The following AFF3 variants were observed in gnomAD, a reference collection of about 807,000 sequenced individuals.
AFF3 encodes the protein ALF transcription elongation factor 3.
In AFF3, 32 loss-of-function variants were observed where a neutral mutation model predicts 129.7. The observed-to-expected ratio is 0.25, with a 90% CI of 0.19 to 0.33. AFF3 has a LOEUF of 0.33. Among genes scored for constraint, AFF3 ranks in the 10% least tolerant of loss-of-function variants. AFF3 has a pLI of 1.00. For synonymous variants in AFF3, 644 were observed against 635.4 expected (o/e 1.01, Z -0.20); for missense variants, 1,373 against 1,592.0 (o/e 0.86, Z 2.34).
chr2:100,019,515 G>A (rs1473583209), intron 4 of AFF3, among the ~76,000 whole-genome samples: 1 of 152,188 alleles, frequency 6.6e-6, no homozygotes, highest in East Asian at 1.9e-4. Context: ...GAAACCAACA[G>A]AATAAGCTCA....
At chr2:100,037,798 AT>A (rs1459805258) in intron 4 of AFF3, among the ~76,000 whole-genome samples, 1 of 136,358 alleles carries the variant, frequency 7.3e-6, no homozygotes, top group East Asian at 2.0e-4. Flanking sequence ...TTATATAAAA[AT>A]ATATAATATA....
intron 7 of AFF3, among the ~76,000 whole-genome samples, chr2:99,852,393 A>C (rs1443622567): frequency 2.0e-5 from 3 of 152,222 alleles, no homozygotes; most frequent in Non-Finnish European, 4.4e-5. Flanking sequence ...GACTATCAGG[A>C]GAACACTCCC....
chr2:99,728,429 C>T (rs567925705), intron 10 of AFF3, among the ~76,000 whole-genome samples: 1 of 152,260 alleles, frequency 6.6e-6, no homozygotes, highest in East Asian at 1.9e-4. Context: ...TGTACCATAC[C>T]CCTTTTGTCA....
At chr2:99,587,075 C>T in intron 16 of AFF3, 79 bp downstream of exon 16, 3 of 1,583,832 alleles carry the variant, frequency 1.9e-6, no homozygotes, top group Non-Finnish European at 2.6e-6. Context: ...AAAAGCCTGA[C>T]CCTCCTCCAA....
At chr2:100,139,409 T>C (rs879310399) in intron 1 of AFF3, among the ~76,000 whole-genome samples, 11 of 152,190 alleles carry the variant, frequency 7.2e-5, no homozygotes, top group Non-Finnish European at 1.3e-4. Context: ...ATTTAAACCA[T>C]GGTAATTTTT....
intron 13 of AFF3, among the ~76,000 whole-genome samples, chr2:99,602,816 C>T (rs1048782354): frequency 4.6e-5 from 7 of 152,138 alleles, no homozygotes; most frequent in African/African-American, 1.7e-4. Context: ...ATCTTTGATA[C>T]GTGCTTTGCC....
intron 7 of AFF3, among the ~76,000 whole-genome samples, chr2:99,989,470 C>G (rs948959275): frequency 6.6e-6 from 1 of 152,214 alleles, no homozygotes; most frequent in Non-Finnish European, 1.5e-5. Context: ...GAACAGAATA[C>G]AGGGCTGAGC....
At chr2:100,112,055 A>C (rs1449741267) in intron 2 of AFF3, among the ~76,000 whole-genome samples, 1 of 152,220 alleles carries the variant, frequency 6.6e-6, no homozygotes, top group East Asian at 1.9e-4. Context: ...GCTCACAGTA[A>C]GCATGCAATT....
chr2:99,821,799 G>A (rs1390461008), intron 8 of AFF3, among the ~76,000 whole-genome samples: 1 of 152,082 alleles, frequency 6.6e-6, no homozygotes, highest in Non-Finnish European at 1.5e-5. Flanking sequence ...ATTGTTATGC[G>A]GCACATGACT....
At position 99,752,228 on chromosome 2, in the gene AFF3, G is replaced by A; in HGVS notation, c.995C>T (p.Pro332Leu). The change falls in exon 9 of 25, where the codon CCA becomes CTA. Residue 332 changes from proline (P) to leucine (L), a missense_variant. Transcript: ENST00000672756. ...GKVEPTKFPF[P>L]NKDSQLVSSG... The stretch of plus-strand genomic sequence containing the variant: ...AGGGATGCAAGATCTCACCTTATTT[G>A]GAAATGGAAATTTGGTTGGTTCCAC... 6.2e-7 allele frequency: 1 copy of A among 1,612,256 alleles called. No individual in the cohort carries two copies. The highest frequency in any genetic ancestry group is 8.5e-7 in the Non-Finnish European group (1 of 1,178,348).
At chr2:99,787,458 G>A (rs954562259) in intron 8 of AFF3, among the ~76,000 whole-genome samples, 1 of 152,300 alleles carries the variant, frequency 6.6e-6, no homozygotes, top group Non-Finnish European at 1.5e-5. Flanking sequence ...AAAGCCTCAC[G>A]GTTTGGCTCT....
chr2:100,042,103 C>T (rs574827726), intron 4 of AFF3, among the ~76,000 whole-genome samples: 59 of 152,252 alleles, frequency 3.9e-4, no homozygotes, highest in African/African-American at 1.3e-3. Flanking sequence ...ACTCATTCTG[C>T]CCTGCCACAC....
At chr2:99,653,983 G>A (rs1202193294) in intron 12 of AFF3, among the ~76,000 whole-genome samples, 4 of 148,720 alleles carry the variant, frequency 2.7e-5, no homozygotes, top group East Asian at 4.1e-4. Flanking sequence ...TGGTTCAAGC[G>A]ATTCTCCTGC....
At chr2:99,560,819 G>A (rs1675398343) in intron 20 of AFF3, among the ~76,000 whole-genome samples, 1 of 152,238 alleles carries the variant, frequency 6.6e-6, no homozygotes, top group South Asian at 2.1e-4. Context: ...CTTACCTCCA[G>A]AAGAATTTCC....
chr2:99,645,027 T>G (rs1461378275), intron 13 of AFF3, among the ~76,000 whole-genome samples: 10 of 152,214 alleles, frequency 6.6e-5, no homozygotes, highest in Admixed American at 6.5e-4. Flanking sequence ...GTAATTGGCT[T>G]CTTTACTTTG....
At chr2:99,579,353 C>G (rs867898369) in intron 17 of AFF3, among the ~76,000 whole-genome samples, 6 of 150,146 alleles carry the variant, frequency 4.0e-5, no homozygotes, top group African/African-American at 1.5e-4. Context: ...TGCGGTGAGC[C>G]GAGACCATGC....
intron 4 of AFF3, among the ~76,000 whole-genome samples, chr2:100,011,187 C>T (rs548514759): frequency 1.6e-4 from 24 of 152,140 alleles, no homozygotes; most frequent in African/African-American, 2.9e-4. Flanking sequence ...GGCAGGAGAA[C>T]GGCACGAACC....
chr2:99,876,951 GT>G, intron 7 of AFF3, among the ~76,000 whole-genome samples: 1 of 152,326 alleles, frequency 6.6e-6, no homozygotes, highest in East Asian at 1.9e-4. Context: ...TTAAAGTCGA[GT>G]TGGATTTTAT....
intron 2 of AFF3, among the ~76,000 whole-genome samples, chr2:100,109,315 CG>C (rs1691434362): frequency 7.1e-6 from 1 of 141,000 alleles, no homozygotes; most frequent in Non-Finnish European, 1.5e-5. Flanking sequence ...CTTATACAGC[CG>C]GTACTAAAGG....
Sources: gnomAD v4.1 joint callset for allele counts (sites outside exome capture counted in the v4.1 genomes callset) on GRCh38, gnomAD v4.1.1 for gene constraint, MANE v1.5 for transcripts, NCBI Gene and HGNC (gene_info 2026-07-23, HGNC 2026-07-21) for gene names.